GNAT3: variants seen among roughly 807,000 people sequenced by gnomAD.
GNAT3 encodes G protein subunit alpha transducin 3.
In GNAT3, 31 loss-of-function variants were observed where a neutral mutation model predicts 37.7. That is an observed-to-expected ratio of 0.82 (90% CI 0.62 to 1.11). The LOEUF (loss-of-function observed/expected upper bound fraction) is 1.11, where lower values mean the gene tolerates loss of function less well. GNAT3 is among the 50% of genes most tolerant of loss of function. The pLI is 0.00. For synonymous variants in GNAT3, 138 were observed against 139.8 expected (o/e 0.99, Z 0.09); for missense variants, 437 against 412.5 (o/e 1.06, Z -0.51).
At chr7:80,502,576 C>A (rs1447124092) in intron 1 of GNAT3, among the ~76,000 whole-genome samples, 2 of 151,888 alleles carry the variant, frequency 1.3e-5, no homozygotes, top group Non-Finnish European at 2.9e-5. Context: ...ATACTGATAT[C>A]TGGACAAAGG....
At chr7:80,462,659 A>C in intron 5 of GNAT3, 28 bp from the exon 6 acceptor site, 1 of 1,590,878 alleles carries the variant, frequency 6.3e-7, no homozygotes. Context: ...ATGAATAATA[A>C]ATCTTGCAAA....
At position 80,458,824 on chromosome 7, in the gene GNAT3, C is replaced by T. The variant is rs772879589; in HGVS notation, c.912G>A (p.Lys304=). 1.9e-6 allele frequency: 3 copies of T among 1,592,674 alleles called. No individual in the cohort carries two copies. The East Asian group carries it at 6.7e-5, about 36-fold the overall frequency. The stretch of plus-strand genomic sequence containing the variant: ...TTAAATTCAGGTCTAGAAACTGGTT[C>T]TTGATGTAGTTTCCTGCATCTTCAA... The part of the protein sequence containing the change: ...NTFEDAGNYI[K]NQFLDLNLKK... Residue 304 remains lysine, a synonymous_variant, in exon 8 of 8, where the codon AAG becomes AAA. Coordinates refer to ENST00000398291, the MANE Select transcript of GNAT3 (RefSeq NM_001102386.3).
chr7:80,488,717 T>A, intron 2 of GNAT3, 41 bp from the exon 3 acceptor site: 1 of 1,429,666 alleles, frequency 7.0e-7, no homozygotes, highest in Non-Finnish European at 9.6e-7. Context: ...GTTGAATAAT[T>A]GATTGTAACA....
intron 7 of GNAT3, among the ~76,000 whole-genome samples, chr7:80,461,241 G>A (rs780061787): frequency 6.6e-5 from 10 of 152,074 alleles, no homozygotes; most frequent in Non-Finnish European, 1.2e-4. Context: ...AACTGGATTT[G>A]TATTTTTGTT....
chr7:80,502,092 T>G (rs374033505), intron 1 of GNAT3, among the ~76,000 whole-genome samples: 3 of 152,150 alleles, frequency 2.0e-5, no homozygotes, highest in African/African-American at 7.2e-5. Context: ...AAAAATTCAC[T>G]AAGAGGGTAG....
chr7:80,501,133 A>G (rs1790825263), intron 1 of GNAT3, among the ~76,000 whole-genome samples: 1 of 152,090 alleles, frequency 6.6e-6, no homozygotes, highest in Admixed American at 6.6e-5. Context: ...ATATGAATAA[A>G]TTTGCAGATA....
intron 3 of GNAT3, chr7:80,486,378 G>A (rs1032703469): frequency 4.0e-5 from 6 of 151,260 alleles, no homozygotes; most frequent in Non-Finnish European, 7.4e-5. Flanking sequence ...GCAGCAATGT[G>A]TAGAGTTTAT....
At chr7:80,478,820 C>G in intron 4 of GNAT3, 21 bp downstream of exon 4, 1 of 1,608,436 alleles carries the variant, frequency 6.2e-7, no homozygotes, top group Non-Finnish European at 8.5e-7. Flanking sequence ...CTCCAATTCC[C>G]CTTAAAGTGA....
At chr7:80,473,105 A>C (rs1293304330) in intron 5 of GNAT3, among the ~76,000 whole-genome samples, 1 of 152,176 alleles carries the variant, frequency 6.6e-6, no homozygotes, top group Non-Finnish European at 1.5e-5. Context: ...AGTTGCCAAA[A>C]AGAACTATAC....
rs1000797509 is a variant in GNAT3 at position 80,491,108 on chromosome 7, T to C, written c.162-2432A>G. Among the ~76,000 whole-genome samples the C allele has an allele frequency of 4.0e-5, 6 of 151,822 alleles. No homozygotes were observed. In the South Asian group the frequency reaches 1.2e-3, roughly 32 times the overall value. On this transcript the variant is annotated intron_variant, in intron 2 of 7. Coordinates refer to ENST00000398291, the MANE Select transcript of GNAT3 (RefSeq NM_001102386.3). The stretch of plus-strand genomic sequence containing the variant: ...TGCAATGAAGGGAAGAGAAGGGAGG[T>C]AGAAGCTCCTTAGGAAGATACTGAA...
At position 80,482,761 on chromosome 7, in the gene GNAT3, G is replaced by C. The variant is rs377357263; in HGVS notation, c.304-3763C>G. ...TTGGCCAGGATGGTCTCGATCTCTT[G>C]ACCTCATGATCTGCCCACCTCGGGC... On this transcript the variant is annotated intron_variant, in intron 3 of 7. Transcript: ENST00000398291. Among the ~76,000 whole-genome samples the C allele has an allele frequency of 4.8e-5, 7 of 144,744 alleles. No individual in the cohort carries two copies. In the East Asian group the frequency reaches 1.0e-3, roughly 21 times the overall value. 95.0% of individuals were successfully genotyped at this position (144,744 alleles called of 152,430 possible).
At chr7:80,493,994 C>G (rs915289109) in intron 2 of GNAT3, among the ~76,000 whole-genome samples, 1 of 151,960 alleles carries the variant, frequency 6.6e-6, no homozygotes, top group South Asian at 2.1e-4. Flanking sequence ...TCTTTTTAGC[C>G]ACAATTATCC....
intron 7 of GNAT3, among the ~76,000 whole-genome samples, chr7:80,459,191 T>C (rs1391397987): frequency 6.6e-6 from 1 of 151,916 alleles, no homozygotes; most frequent in Non-Finnish European, 1.5e-5. Flanking sequence ...TTTATACAAA[T>C]TAAAAGAGAA....
intron 5 of GNAT3, among the ~76,000 whole-genome samples, chr7:80,470,185 G>A (rs540793902): frequency 1.4e-4 from 21 of 151,976 alleles, no homozygotes; most frequent in South Asian, 8.3e-4. Context: ...AGTATATAGC[G>A]AAGAGGTGGT....
intron 3 of GNAT3, among the ~76,000 whole-genome samples, chr7:80,485,176 T>TG (rs1790455697): frequency 6.6e-6 from 1 of 151,660 alleles, no homozygotes; most frequent in Non-Finnish European, 1.5e-5. Context: ...GTGTGTTTTT[T>TG]TTTTTTAACA....
rs148886603 is a variant in GNAT3, at chr7:80,479,198, C to G, written c.304-200G>C. 3.1e-3 allele frequency among the ~76,000 whole-genome samples: 465 copies of G among 151,814 alleles called. 4 individuals carry two copies. Among genetic ancestry groups the G allele is most frequent in the African/African-American group, 0.011 (444 of 41,250 alleles). ...TGATGCCCAGAAGAGTTCTCCTTTG[C>G]AAAAACTATAAAATATTATGTGAAG... On this transcript the variant is annotated intron_variant, in intron 3 of 7. Coordinates refer to ENST00000398291, the MANE Select transcript of GNAT3 (RefSeq NM_001102386.3).
intron 1 of GNAT3, among the ~76,000 whole-genome samples, chr7:80,500,062 C>T (rs942791500): frequency 6.6e-6 from 1 of 152,084 alleles, no homozygotes. Flanking sequence ...CTGAACCATA[C>T]CCCATGTAAG....
At chr7:80,507,891 A>G (rs1790980161) in intron 1 of GNAT3, among the ~76,000 whole-genome samples, 1 of 152,006 alleles carries the variant, frequency 6.6e-6, no homozygotes, top group African/African-American at 2.4e-5. Context: ...TACAATAAAT[A>G]TATTACCTTC....
At chr7:80,504,549 T>G (rs1286368591) in intron 1 of GNAT3, among the ~76,000 whole-genome samples, 1 of 152,200 alleles carries the variant, frequency 6.6e-6, no homozygotes, top group East Asian at 1.9e-4. Context: ...AAGGGTGTGT[T>G]GAAGTCAAAT....
Sources: allele counts gnomAD v4.1 joint callset (sites outside exome capture counted in the v4.1 genomes callset), GRCh38; gene constraint gnomAD v4.1.1; transcripts MANE v1.5; gene names NCBI Gene and HGNC (gene_info 2026-07-23, HGNC 2026-07-21).